Variants in DAAM1 observed in about 807,000 individuals in gnomAD.
DAAM1 encodes disheveled-associated activator of morphogenesis 1.
DAAM1 carries 52 observed loss-of-function variants against 130.0 expected under a neutral mutation model. That is an observed-to-expected ratio of 0.40 (90% CI 0.32 to 0.50). The LOEUF is 0.50. DAAM1 is among the 20% of genes least tolerant of loss of function. The pLI, the probability that DAAM1 is intolerant of heterozygous loss-of-function variation, is 0.61. For synonymous variants in DAAM1, 452 were observed against 444.5 expected (o/e 1.02, Z -0.21); for missense variants, 1,134 against 1,303.8 (o/e 0.87, Z 2.01).
intron 1 of DAAM1, 49 bp from the exon 2 acceptor site, chr14:59,263,392 A>G: frequency 1.3e-6 from 2 of 1,533,184 alleles, no homozygotes; most frequent in South Asian, 1.2e-5. Flanking sequence ...TTTAAAAATC[A>G]TTTTATCTGT....
At chr14:59,339,140 T>C (rs1443855423) in intron 15 of DAAM1, among the ~76,000 whole-genome samples, 2 of 152,186 alleles carry the variant, frequency 1.3e-5, no homozygotes, top group African/African-American at 4.8e-5. Flanking sequence ...TTCAGCCCCC[T>C]CATCAAATGA....
At chr14:59,233,680 T>C (rs1429988544) in intron 1 of DAAM1, among the ~76,000 whole-genome samples, 1 of 152,236 alleles carries the variant, frequency 6.6e-6, no homozygotes, top group East Asian at 1.9e-4. Context: ...TTGCAATTGC[T>C]TTTGGTGTTT....
intron 2 of DAAM1, 69 bp from the exon 3 acceptor site, chr14:59,291,148 A>C: frequency 1.6e-6 from 2 of 1,265,928 alleles, no homozygotes; most frequent in Middle Eastern, 1.9e-4. Context: ...TTCCTTGATG[A>C]TACTGATAAC....
intron 1 of DAAM1, among the ~76,000 whole-genome samples, chr14:59,215,987 G>A (rs1888566789): frequency 6.6e-6 from 1 of 152,122 alleles, no homozygotes; most frequent in Non-Finnish European, 1.5e-5. Context: ...GCTTGTTTGC[G>A]AGGGTAGATT....
In DAAM1 at chr14:59,341,187, C is replaced by A. The variant is rs1294255586; in HGVS notation, c.2075+1007C>A. The stretch of plus-strand genomic sequence containing the variant: ...AAGAGAAATTTAACCTTAGTGAGAT[C>A]TTTGAATTGTAATGCAACTAGTAAG... On this transcript the variant is annotated intron_variant, in intron 16 of 24. Coordinates refer to ENST00000360909, the MANE Select transcript of DAAM1 (RefSeq NM_001270520.2). Among the ~76,000 whole-genome samples, 4 of 152,126 alleles carry A rather than the reference C, an allele frequency of 2.6e-5. No homozygotes were observed. The East Asian group carries it at 7.7e-4, about 29-fold the overall frequency.
chr14:59,307,740 G>A (rs761380991), intron 3 of DAAM1, among the ~76,000 whole-genome samples: 9 of 152,122 alleles, frequency 5.9e-5, no homozygotes, highest in Non-Finnish European at 8.8e-5. Context: ...ATATGTGAAC[G>A]GATGGTTATA....
intron 1 of DAAM1, among the ~76,000 whole-genome samples, chr14:59,208,428 ATC>A (rs1156340741): frequency 1.3e-5 from 2 of 152,110 alleles, no homozygotes; most frequent in Non-Finnish European, 2.9e-5. Context: ...TCAGCCAATC[ATC>A]TGAGGCCATG....
intron 1 of DAAM1, among the ~76,000 whole-genome samples, chr14:59,252,563 A>C (rs951238088): frequency 6.6e-6 from 1 of 152,216 alleles, no homozygotes; most frequent in Non-Finnish European, 1.5e-5. Context: ...TGATTTAGTG[A>C]TGACAACTGC....
chr14:59,326,407 A>G (rs1417631301), intron 10 of DAAM1, 103 bp from the exon 11 acceptor site: 1 of 1,189,768 alleles, frequency 8.4e-7, no homozygotes, highest in Non-Finnish European at 1.2e-6. Context: ...TGTTATAAAC[A>G]TCTCTGGTTT....
At chr14:59,196,982 G>A (rs1002653864) in intron 1 of DAAM1, among the ~76,000 whole-genome samples, 2 of 151,866 alleles carry the variant, frequency 1.3e-5, no homozygotes, top group African/African-American at 2.4e-5. Flanking sequence ...GTGCAGTGGC[G>A]CGATCTCGGC....
intron 1 of DAAM1, among the ~76,000 whole-genome samples, chr14:59,225,019 G>GTTTTTT (rs869233694): frequency 0.061 from 5,502 of 90,514 alleles, 614 homozygotes; most frequent in Non-Finnish European, 0.08. Context: ...ATCTGTGTGG[G>GTTTTTT]TTTTTTTTTT....
intron 1 of DAAM1, among the ~76,000 whole-genome samples, chr14:59,262,688 GTGTGTGTGTGTA>G (rs1882229323): frequency 7.9e-6 from 1 of 126,604 alleles, no homozygotes; most frequent in South Asian, 2.3e-4. Context: ...GTGTGTGTGT[GTGTGTGTGTGTA>G]ATTTAACCAT....
intron 2 of DAAM1, among the ~76,000 whole-genome samples, chr14:59,285,467 C>A (rs10132995): frequency 0.23 from 34,739 of 152,046 alleles, 4,165 homozygotes; most frequent in East Asian, 0.32. Context: ...GGCTAAATGT[C>A]CCGCTCAAAA....
At chr14:59,272,162 T>G (rs901037023) in intron 2 of DAAM1, among the ~76,000 whole-genome samples, 1 of 152,220 alleles carries the variant, frequency 6.6e-6, no homozygotes, top group East Asian at 1.9e-4. Context: ...ATACTAAAAT[T>G]GTTCTGTTTC....
In DAAM1 at chr14:59,277,290, A is replaced by G. The variant is rs1004575803; in HGVS notation, c.183+13630A>G. Among the ~76,000 whole-genome samples, 7 of 152,064 alleles carry G rather than the reference A, an allele frequency of 4.6e-5. No homozygotes were observed. The South Asian group carries it at 1.0e-3, about 23-fold the overall frequency. The stretch of plus-strand genomic sequence containing the variant: ...CCTTCGATTGATTTGTAGCATGCCA[A>G]TTGTTTTCTGATTTATGTAGGTTTC... On this transcript the variant is annotated intron_variant, in intron 2 of 24. Coordinates refer to ENST00000360909, the MANE Select transcript of DAAM1 (RefSeq NM_001270520.2).
intron 23 of DAAM1, among the ~76,000 whole-genome samples, chr14:59,364,438 T>C (rs559446533): frequency 2.4e-4 from 37 of 152,222 alleles, no homozygotes; most frequent in African/African-American, 7.5e-4. Flanking sequence ...ACCTCTTAGC[T>C]CCCTCAGCTT....
intron 3 of DAAM1, among the ~76,000 whole-genome samples, chr14:59,303,203 A>G (rs764466876): frequency 6.6e-6 from 1 of 152,226 alleles, no homozygotes; most frequent in Non-Finnish European, 1.5e-5. Context: ...AAAATCTGCA[A>G]ATGCAGAATT....
intron 16 of DAAM1, among the ~76,000 whole-genome samples, chr14:59,341,119 G>C (rs1885826835): frequency 6.6e-6 from 1 of 152,178 alleles, no homozygotes; most frequent in Non-Finnish European, 1.5e-5. Context: ...TTGATTCTTA[G>C]CCAGATATGT....
At chr14:59,286,565 C>T (rs997978143) in intron 2 of DAAM1, among the ~76,000 whole-genome samples, 1 of 151,930 alleles carries the variant, frequency 6.6e-6, no homozygotes, top group Non-Finnish European at 1.5e-5. Context: ...CAGAGAAAAT[C>T]TAAATAAACA....
Sources: gnomAD v4.1 joint callset for allele counts (sites outside exome capture counted in the v4.1 genomes callset) on GRCh38, gnomAD v4.1.1 for gene constraint, MANE v1.5 for transcripts, NCBI Gene and HGNC (gene_info 2026-07-23, HGNC 2026-07-21) for gene names.